The following INPP5A variants were observed in gnomAD, a reference collection of about 807,000 sequenced individuals.
The protein encoded by INPP5A is inositol polyphosphate-5-phosphatase A, also known as 43 kDa inositol polyphosphate 5-phophatase.
INPP5A carries 14 observed loss-of-function variants against 65.2 expected under a neutral mutation model. The ratio of observed to expected loss-of-function variants is 0.21; its 90% CI spans 0.14 to 0.34. The LOEUF (loss-of-function observed/expected upper bound fraction) is 0.34, where lower values mean the gene tolerates loss of function less well. Among genes scored for constraint, INPP5A ranks in the 10% least tolerant of loss-of-function variants. The probability of loss-of-function intolerance (pLI) is 1.00; values close to 1 mark genes in which losing one functional copy is unlikely to be tolerated. For missense variants in INPP5A, 431 were observed against 545.6 expected (o/e 0.79, Z 2.09); for synonymous variants, 207 against 208.3 (o/e 0.99, Z 0.05).
rs1845156007 is a variant in INPP5A, at chr10:132,687,456, A to G, written c.307-2936A>G. On this transcript the variant is annotated intron_variant, in intron 4 of 15. Coordinates refer to ENST00000368594, the MANE Select transcript of INPP5A (RefSeq NM_005539.5). ...CAGGGACCACAGAGGGCCTGAGGAC[A>G]CAGCCCCATGTCAGGCACACAGGTT... is the stretch of plus-strand genomic sequence containing the variant. Among the ~76,000 whole-genome samples the G allele has an allele frequency of 2.0e-5, 3 of 152,254 alleles. No individual in the cohort carries two copies. In the South Asian group the frequency reaches 6.2e-4, roughly 32 times the overall value.
chr10:132,730,497 C>A (rs980873700), intron 9 of INPP5A, among the ~76,000 whole-genome samples: 1 of 152,258 alleles, frequency 6.6e-6, no homozygotes, highest in African/African-American at 2.4e-5. Context: ...TGCAGCCCCA[C>A]CCACTCAGCT....
At chr10:132,668,939 C>T (rs372825804) in intron 4 of INPP5A, among the ~76,000 whole-genome samples, 46 of 152,140 alleles carry the variant, frequency 3.0e-4, no homozygotes, top group African/African-American at 7.0e-4. Flanking sequence ...TTTGGGGTGC[C>T]GGAGACACAG....
intron 9 of INPP5A, among the ~76,000 whole-genome samples, chr10:132,745,989 C>T (rs1274730382): frequency 9.5e-6 from 1 of 105,124 alleles, no homozygotes; most frequent in Non-Finnish European, 2.5e-5. Context: ...CCTCGCCTAC[C>T]CTGCCTACCC....
chr10:132,768,290 G>A (rs866379364), intron 12 of INPP5A, among the ~76,000 whole-genome samples: 17 of 129,028 alleles, frequency 1.3e-4, no homozygotes, highest in African/African-American at 3.2e-4. Flanking sequence ...CGTGGACCCC[G>A]ACCCTCAGCG....
In INPP5A at chr10:132,550,830, C is replaced by T. The variant is rs1564912761; in HGVS notation, c.75+12659C>T. On this transcript the variant is annotated intron_variant, in intron 1 of 15. Coordinates refer to ENST00000368594, the MANE Select transcript of INPP5A (RefSeq NM_005539.5). The surrounding 1 kb of genome is among the most constrained non-coding windows in gnomAD (Gnocchi z 4.2). Reference sequence around the variant, plus strand: ...TCTTAGATCCTTGGCACTGCAGGGGCGGTTCTGCCAGACATAGCTGTTGTC... The same window carrying T: ...TCTTAGATCCTTGGCACTGCAGGGGTGGTTCTGCCAGACATAGCTGTTGTC... 6.6e-6 allele frequency among the ~76,000 whole-genome samples: 1 copy of T among 152,230 alleles called. No homozygotes were observed. Among genetic ancestry groups the T allele is most frequent in the African/African-American group, 2.4e-5 (1 of 41,454 alleles).
At chr10:132,593,066 A>T (rs1254549820) in intron 1 of INPP5A, among the ~76,000 whole-genome samples, 5 of 152,098 alleles carry the variant, frequency 3.3e-5, no homozygotes, top group Non-Finnish European at 7.4e-5. Context: ...TCGGGGAGAG[A>T]CTGCCCTCTG....
chr10:132,749,146 G>A (rs923857842), intron 9 of INPP5A, among the ~76,000 whole-genome samples: 8 of 152,270 alleles, frequency 5.3e-5, no homozygotes, highest in Admixed American at 1.3e-4. Flanking sequence ...GGGAGAGAGC[G>A]AGCGGGAGGA....
intron 1 of INPP5A, among the ~76,000 whole-genome samples, chr10:132,588,982 T>A (rs1590850141): frequency 6.6e-6 from 1 of 151,886 alleles, no homozygotes; most frequent in African/African-American, 2.4e-5. Flanking sequence ...GGTCCCACGT[T>A]CTGGTGTGTG....
chr10:132,624,317 G>C (rs2072148930), intron 2 of INPP5A, among the ~76,000 whole-genome samples: 1 of 152,246 alleles, frequency 6.6e-6, no homozygotes, highest in African/African-American at 2.4e-5. Context: ...TCTTACAGAG[G>C]CCTGGGGTCT....
chr10:132,561,725 C>CAT (rs2071208655), intron 1 of INPP5A, among the ~76,000 whole-genome samples: 1 of 120,132 alleles, frequency 8.3e-6, no homozygotes, highest in Non-Finnish European at 1.7e-5. Flanking sequence ...TCAATTTCCA[C>CAT]ACACACACAC....
chr10:132,688,522 TCCA>T (rs1845180434), intron 4 of INPP5A, among the ~76,000 whole-genome samples: 3 of 152,170 alleles, frequency 2.0e-5, no homozygotes, highest in Admixed American at 6.5e-5. Flanking sequence ...CAGCAGGAGG[TCCA>T]CACTGGGGCA....
intron 1 of INPP5A, among the ~76,000 whole-genome samples, chr10:132,601,931 A>T (rs955687969): frequency 2.6e-5 from 4 of 152,166 alleles, no homozygotes; most frequent in African/African-American, 9.7e-5. Context: ...TTCTTTTTTA[A>T]GGCTATTTTT....
At position 132,609,036 on chromosome 10, in the gene INPP5A, C is replaced by T. The variant is rs368317390; in HGVS notation, c.117+1080C>T. ...CCAGCATGCAATGGTGCTCTGTAGC[C>T]GGCATCCAAGTCCCCCCATAGGGAC... On this transcript the variant is annotated intron_variant, in intron 2 of 15. Coordinates refer to ENST00000368594, the MANE Select transcript of INPP5A (RefSeq NM_005539.5). 2.6e-3 allele frequency among the ~76,000 whole-genome samples: 390 copies of T among 152,268 alleles called. 3 individuals are homozygous for T. The highest frequency in any genetic ancestry group is 3.9e-3 in the Non-Finnish European group (264 of 68,016).
At chr10:132,661,063 T>A (rs2072730246) in intron 4 of INPP5A, among the ~76,000 whole-genome samples, 1 of 152,198 alleles carries the variant, frequency 6.6e-6, no homozygotes, top group South Asian at 2.1e-4. Flanking sequence ...AGTCCTGGAA[T>A]GAGGCCTGCA....
chr10:132,582,447 G>A (rs1423723306), intron 1 of INPP5A, among the ~76,000 whole-genome samples: 1 of 147,440 alleles, frequency 6.8e-6, no homozygotes, highest in Non-Finnish European at 1.5e-5. Context: ...AAGAGACAGG[G>A]TCTTGCTCTG....
chr10:132,631,329 G>C (rs2072270458), intron 2 of INPP5A, among the ~76,000 whole-genome samples: 1 of 152,112 alleles, frequency 6.6e-6, no homozygotes, highest in Non-Finnish European at 1.5e-5. Context: ...GCCTCTTTCT[G>C]GGGTCCCAGC....
intron 1 of INPP5A, among the ~76,000 whole-genome samples, chr10:132,591,208 C>T (rs952042867): frequency 2.6e-5 from 4 of 152,144 alleles, no homozygotes; most frequent in African/African-American, 9.7e-5. Flanking sequence ...ATATTTTCAA[C>T]CAGTTTGACA....
At chr10:132,721,985 T>A (rs1445899657) in intron 8 of INPP5A, among the ~76,000 whole-genome samples, 2 of 152,244 alleles carry the variant, frequency 1.3e-5, no homozygotes, top group East Asian at 3.9e-4. Context: ...GGCTGGTATG[T>A]TTATTTTGGG....
At chr10:132,710,228 C>T (rs547952406) in intron 7 of INPP5A, 109 bp from the exon 8 acceptor site, 389 of 1,341,716 alleles carry the variant, frequency 2.9e-4, no homozygotes, top group Non-Finnish European at 3.4e-4. Flanking sequence ...TGGCTCCGCA[C>T]GGCGGAGGCC....
Sources: gnomAD v4.1 joint callset for allele counts (sites outside exome capture counted in the v4.1 genomes callset) on GRCh38, gnomAD v4.1.1 for gene constraint, Gnocchi (gnomAD v3.1) non-coding constraint, MANE v1.5 for transcripts, NCBI Gene and HGNC (gene_info 2026-07-23, HGNC 2026-07-21) for gene names.